The following ACSM3 variants were observed in gnomAD, a reference collection of about 807,000 sequenced individuals.
ACSM3 encodes acyl-CoA synthetase medium chain family member 3, also known as acyl-coenzyme A synthetase ACSM3, mitochondrial.
In ACSM3, 61 loss-of-function variants were observed where a neutral mutation model predicts 74.1. That is an observed-to-expected ratio of 0.82 (90% CI 0.67 to 1.02). The LOEUF is 1.02. Among genes scored for constraint, ACSM3 ranks in the 50% least tolerant of loss-of-function variants. The probability of loss-of-function intolerance (pLI) is 0.00; values close to 1 mark genes in which losing one functional copy is unlikely to be tolerated. For missense variants in ACSM3, 660 were observed against 697.0 expected (o/e 0.95, Z 0.60); for synonymous variants, 213 against 241.5 (o/e 0.88, Z 1.09).
chr16:20,713,434 A>G (rs953105355), intron 1 of ACSM3, among the ~76,000 whole-genome samples: 14 of 152,214 alleles, frequency 9.2e-5, no homozygotes, highest in African/African-American at 3.4e-4. Flanking sequence ...TATAAATTAT[A>G]TACATGTACT....
rs575410850 is a variant in ACSM3, at chr16:20,753,137, G to GA, written c.-95-2425dup. On this transcript the variant is annotated intron_variant, in intron 2 of 3. Transcript: ENST00000561584. Reference sequence around the variant, plus strand: ...GTTGCCCTTGTTTGGACACTGAGTTGAAAAAAAAAAACAAATGTAAAACAA... The same window carrying GA: ...GTTGCCCTTGTTTGGACACTGAGTTGAAAAAAAAAAAACAAATGTAAAACAA... 6.8e-3 allele frequency among the ~76,000 whole-genome samples: 979 copies of GA among 143,292 alleles called. 2 individuals carry two copies. Among genetic ancestry groups the GA allele is most frequent in the South Asian group, 0.027 (120 of 4,512 alleles). 94.0% of individuals were successfully genotyped at this position (143,292 alleles called of 152,430 possible).
intron 1 of ACSM3, among the ~76,000 whole-genome samples, chr16:20,724,095 A>T (rs1469256182): frequency 6.6e-6 from 1 of 152,164 alleles, no homozygotes; most frequent in East Asian, 1.9e-4. Context: ...AGCTTTCTAC[A>T]TATGGCTAGC....
chr16:20,765,154 G>T (rs2080112635), intron 1 of ACSM3, among the ~76,000 whole-genome samples: 1 of 152,166 alleles, frequency 6.6e-6, no homozygotes, highest in Non-Finnish European at 1.5e-5. Context: ...GACCAGGGGT[G>T]GTACTGTCTT....
intron 1 of ACSM3, among the ~76,000 whole-genome samples, chr16:20,692,826 G>T (rs1384102264): frequency 6.6e-6 from 1 of 152,136 alleles, no homozygotes; most frequent in Non-Finnish European, 1.5e-5. Context: ...TTTATGGTTT[G>T]TAGGGCATAA....
At chr16:20,740,630 T>C (rs983535484) in intron 1 of ACSM3, among the ~76,000 whole-genome samples, 1 of 152,224 alleles carries the variant, frequency 6.6e-6, no homozygotes, top group Non-Finnish European at 1.5e-5. Flanking sequence ...AATGTGCCCA[T>C]GTCCGAGTCC....
intron 2 of ACSM3, among the ~76,000 whole-genome samples, chr16:20,774,913 C>A (rs1290896199): frequency 6.6e-6 from 1 of 152,178 alleles, no homozygotes; most frequent in African/African-American, 2.4e-5. Context: ...AGGCACAAAG[C>A]GGCTCTGCCA....
At chr16:20,683,646 C>CT (rs36182498) in intron 1 of ACSM3, among the ~76,000 whole-genome samples, 46,779 of 136,228 alleles carry the variant, frequency 0.34, 8,665 homozygotes, top group East Asian at 0.56. Flanking sequence ...CAGCTCAAGT[C>CT]TTTTTTTTTT....
At chr16:20,739,133 A>C in intron 1 of ACSM3, 1 of 1,523,350 alleles carries the variant, frequency 6.6e-7, no homozygotes, top group South Asian at 1.2e-5. Context: ...CACTATAAGT[A>C]ATTATTTATG....
intron 1 of ACSM3, chr16:20,702,909 T>C (rs2079717402): frequency 1.3e-5 from 2 of 152,380 alleles, no homozygotes; most frequent in South Asian, 2.1e-4. Context: ...CTGAATGGCA[T>C]TGCCCAGGTT....
intron 9 of ACSM3, chr16:20,789,682 T>TTA: frequency 1.1e-5 from 7 of 631,686 alleles, no homozygotes; most frequent in East Asian, 2.8e-5. Context: ...AACTCTATTT[T>TTA]TCTTTTTTTT....
intron 1 of ACSM3, among the ~76,000 whole-genome samples, chr16:20,747,215 C>T (rs1425154276): frequency 6.6e-6 from 1 of 152,198 alleles, no homozygotes; most frequent in Non-Finnish European, 1.5e-5. Context: ...CCTGCCATCC[C>T]AGAGCAGGGA....
intron 1 of ACSM3, chr16:20,742,165 A>G: frequency 1.3e-6 from 1 of 755,864 alleles, no homozygotes; most frequent in South Asian, 1.8e-5. Context: ...CGTGGACACA[A>G]TGGTCAAGTC....
chr16:20,685,140 C>T (rs932860126), intron 1 of ACSM3: 4 of 1,585,926 alleles, frequency 2.5e-6, no homozygotes, highest in Admixed American at 1.7e-5. Context: ...TCTCAGGACC[C>T]ATTGGTTCTA....
chr16:20,728,067 G>GTGGTCGCCGTATCATT, intron 1 of ACSM3: 1 of 212,604 alleles, frequency 4.7e-6, no homozygotes, highest in Non-Finnish European at 9.6e-6. Context: ...TAAATACTGG[G>GTGGTCGCCGTATCATT]AAAATCAGTC....
intron 8 of ACSM3, among the ~76,000 whole-genome samples, chr16:20,785,474 AAG>A (rs1017113451): frequency 6.6e-6 from 1 of 152,210 alleles, no homozygotes; most frequent in African/African-American, 2.4e-5. Flanking sequence ...CTGAAATATT[AAG>A]AGTTTGCTGG....
intron 1 of ACSM3, chr16:20,703,645 C>CT (rs2079719436): frequency 6.6e-6 from 1 of 152,208 alleles, no homozygotes; most frequent in African/African-American, 2.4e-5. Flanking sequence ...CCTCAGCCTT[C>CT]TGAGTAGCTG....
intron 1 of ACSM3, chr16:20,741,499 G>C (rs2079922885): frequency 4.0e-4 from 41 of 101,332 alleles, no homozygotes; most frequent in South Asian, 3.6e-3. Flanking sequence ...GCCCACCCCG[G>C]GACCGGTACC....
chr16:20,740,587 TTC>T (rs1409370196), intron 1 of ACSM3, among the ~76,000 whole-genome samples: 1 of 152,226 alleles, frequency 6.6e-6, no homozygotes, highest in Non-Finnish European at 1.5e-5. Flanking sequence ...TCTTAAAGTA[TTC>T]TCTTTTTTAT....
chr16:20,756,845 C>A (rs2080035555), intron 3 of ACSM3, among the ~76,000 whole-genome samples: 2 of 152,222 alleles, frequency 1.3e-5, no homozygotes, highest in South Asian at 4.1e-4. Flanking sequence ...TTTCAGCTTT[C>A]TACATATGGC....
Sources: gnomAD v4.1 joint callset for allele counts (sites outside exome capture counted in the v4.1 genomes callset) on GRCh38, gnomAD v4.1.1 for gene constraint, MANE v1.5 for transcripts, NCBI Gene and HGNC (gene_info 2026-07-23, HGNC 2026-07-21) for gene names.